SLCO5A1: variants seen among roughly 807,000 people sequenced by gnomAD.
The protein encoded by SLCO5A1 is organic anion transporter polypeptide-related protein 4.
Under a neutral mutation model 65.1 loss-of-function variants are expected in SLCO5A1, and 39 were observed. The ratio of observed to expected loss-of-function variants is 0.60; its 90% CI spans 0.46 to 0.78. SLCO5A1 has a LOEUF of 0.78. Ranked by LOEUF, SLCO5A1 falls within the 30% of genes least tolerant of loss-of-function variation. SLCO5A1 has a pLI of 0.00. For synonymous variants in SLCO5A1, 438 were observed against 415.7 expected (o/e 1.05, Z -0.65); for missense variants, 1,029 against 1,069.4 (o/e 0.96, Z 0.53).
At chr8:69,714,789 A>G (rs941218273) in intron 5 of SLCO5A1, 7 of 152,376 alleles carry the variant, frequency 4.6e-5, no homozygotes, top group African/African-American at 1.4e-4. Flanking sequence ...AACTCCTCTT[A>G]GGCCAGACGG....
At position 69,670,736 on chromosome 8, in the gene SLCO5A1, C is replaced by G. The variant is rs2130779712; in HGVS notation, c.*2133G>C. ...GCTCTCTAACTACTCCGTGCTGAGT[C>G]CAGCAATCTTAGCTACCAGAAAAAG... On this transcript the variant is annotated 3_prime_UTR_variant, in exon 10 of 10. Coordinates refer to ENST00000260126, the MANE Select transcript of SLCO5A1 (RefSeq NM_030958.3). The G allele has an allele frequency of 6.6e-6, 1 of 152,266 alleles. No individual in the cohort carries two copies. The highest frequency in any genetic ancestry group is 1.9e-4 in the East Asian group (1 of 5,178). 9.4% of individuals were successfully genotyped at this position (152,266 alleles called of 1,614,324 possible). A position where few individuals can be genotyped will look rare whatever the true frequency, so the allele number is the denominator to read the frequency against.
In SLCO5A1 at chr8:69,673,296, G is replaced by T. The variant is rs768749822; in HGVS notation, c.2120C>A (p.Ala707Glu). 16 of 1,614,072 alleles carry T rather than the reference G, an allele frequency of 9.9e-6. No homozygotes were observed. Among genetic ancestry groups the T allele is most frequent in the Non-Finnish European group, 1.4e-5 (16 of 1,179,926 alleles). ...GAGCATGCAGGTGGTGTCAATGACT[G>T]CTCCAAAGTAGATTGGAGTAGGAAT... ...AYIPTPIYFG[A>E]VIDTTCMLWQ... The change falls in exon 10 of 10, where the codon GCA becomes GAA. Residue 707 changes from alanine (A) to glutamate (E), a missense_variant. Coordinates refer to ENST00000260126, the MANE Select transcript of SLCO5A1 (RefSeq NM_030958.3).
At chr8:69,801,319 A>C (rs1246688538) in intron 2 of SLCO5A1, among the ~76,000 whole-genome samples, 1 of 152,252 alleles carries the variant, frequency 6.6e-6, no homozygotes, top group African/African-American at 2.4e-5. Flanking sequence ...AGATAAAGAA[A>C]CATCAACTCA....
Position 69,699,507 on chromosome 8 carries a change from A to T in SLCO5A1, c.1622+5524T>A, listed in dbSNP as rs537383115. Among the ~76,000 whole-genome samples the T allele has an allele frequency of 6.6e-5, 10 of 152,258 alleles. No individual in the cohort carries two copies. In the East Asian group the frequency reaches 1.9e-3, roughly 29 times the overall value. ...GCACCCTGATGAAAACTCCAGTTGTATCCACCTCCCACAGCGAGACCCACC... is the reference window on the plus strand; with the variant it reads ...GCACCCTGATGAAAACTCCAGTTGTTTCCACCTCCCACAGCGAGACCCACC... On this transcript the variant is annotated intron_variant, in intron 6 of 9. Coordinates refer to ENST00000260126, the MANE Select transcript of SLCO5A1 (RefSeq NM_030958.3).
intron 3 of SLCO5A1, among the ~76,000 whole-genome samples, chr8:69,757,357 T>G (rs1454271646): frequency 2.0e-5 from 3 of 152,164 alleles, no homozygotes; most frequent in Non-Finnish European, 1.5e-5. Context: ...GAGACAGTTT[T>G]AATTTTAAAA....
At chr8:69,834,048 C>T (rs983836027) in intron 1 of SLCO5A1, 3 of 153,174 alleles carry the variant, frequency 2.0e-5, no homozygotes, top group Admixed American at 6.5e-5. Flanking sequence ...GAGCGCACCC[C>T]GCTAGCGTGG....
intron 2 of SLCO5A1, among the ~76,000 whole-genome samples, chr8:69,783,350 A>C (rs1256316197): frequency 6.6e-6 from 1 of 152,070 alleles, no homozygotes; most frequent in Non-Finnish European, 1.5e-5. Flanking sequence ...CAAAGGATAA[A>C]TGCTTGAGGG....
chr8:69,808,234 G>A (rs1029625361), intron 2 of SLCO5A1, among the ~76,000 whole-genome samples: 1 of 150,102 alleles, frequency 6.7e-6, no homozygotes, highest in African/African-American at 2.5e-5. Context: ...GTAAACTTGT[G>A]TCATGGAAGT....
chr8:69,813,925 T>C (rs1002483581), intron 2 of SLCO5A1, among the ~76,000 whole-genome samples: 1 of 152,248 alleles, frequency 6.6e-6, no homozygotes, highest in African/African-American at 2.4e-5. Flanking sequence ...ACCTGAATTG[T>C]GGTTTTGTCA....
intron 9 of SLCO5A1, 94 bp from the exon 10 acceptor site, chr8:69,673,420 A>G: frequency 9.2e-7 from 1 of 1,091,426 alleles, no homozygotes; most frequent in Non-Finnish European, 1.3e-6. Context: ...TGTGCTCTAA[A>G]ACCAGTTGAG....
At chr8:69,737,991 A>G (rs374557803) in intron 5 of SLCO5A1, 49 bp downstream of exon 5, 6 of 1,580,998 alleles carry the variant, frequency 3.8e-6, no homozygotes, top group Non-Finnish European at 5.2e-6. Flanking sequence ...ATTCCATTTC[A>G]TGGTCAAAAT....
intron 5 of SLCO5A1, among the ~76,000 whole-genome samples, chr8:69,731,348 C>T (rs1404063930): frequency 2.0e-5 from 3 of 152,216 alleles, no homozygotes; most frequent in African/African-American, 4.8e-5. Context: ...ACCGCAATTA[C>T]TTTTGCACCA....
At chr8:69,793,278 T>C (rs938713955) in intron 2 of SLCO5A1, among the ~76,000 whole-genome samples, 9 of 152,086 alleles carry the variant, frequency 5.9e-5, no homozygotes, top group Non-Finnish European at 1.0e-4. Context: ...GCCATTGTGC[T>C]CAGCCAATAA....
At chr8:69,708,252 G>A (rs907159970) in intron 5 of SLCO5A1, among the ~76,000 whole-genome samples, 2 of 152,208 alleles carry the variant, frequency 1.3e-5, no homozygotes, top group African/African-American at 2.4e-5. Flanking sequence ...TTGTAGCCAT[G>A]TAATCATGCA....
At chr8:69,715,759 CATAAATA>C (rs1460515598) in intron 5 of SLCO5A1, among the ~76,000 whole-genome samples, 1 of 152,138 alleles carries the variant, frequency 6.6e-6, no homozygotes, top group Non-Finnish European at 1.5e-5. Context: ...GCAGACATTT[CATAAATA>C]TAGTCACATC....
At chr8:69,773,075 A>G (rs1818405439) in intron 2 of SLCO5A1, 1 of 519,124 alleles carries the variant, frequency 1.9e-6, no homozygotes, top group Non-Finnish European at 2.5e-6. Context: ...ACATGGGCAA[A>G]GGCACACAGA....
At chr8:69,703,639 T>C (rs1234172686) in intron 6 of SLCO5A1, among the ~76,000 whole-genome samples, 2 of 152,254 alleles carry the variant, frequency 1.3e-5, no homozygotes, top group African/African-American at 2.4e-5. Context: ...GCAGTGCTTA[T>C]GGGCACAGAC....
At chr8:69,765,795 T>C (rs1233136919) in intron 2 of SLCO5A1, among the ~76,000 whole-genome samples, 1 of 152,148 alleles carries the variant, frequency 6.6e-6, no homozygotes. Context: ...GGTCCCTTCC[T>C]TTGCTGACCT....
chr8:69,736,625 T>C (rs1373056223), intron 5 of SLCO5A1, among the ~76,000 whole-genome samples: 1 of 152,224 alleles, frequency 6.6e-6, no homozygotes, highest in East Asian at 1.9e-4. Context: ...TGGAAAAGGC[T>C]GTAGTCTGAG....
Sources: gnomAD v4.1 joint callset for allele counts (sites outside exome capture counted in the v4.1 genomes callset) on GRCh38, gnomAD v4.1.1 for gene constraint, MANE v1.5 for transcripts, NCBI Gene and HGNC (gene_info 2026-07-23, HGNC 2026-07-21) for gene names.